Variants in EXOSC1 observed in about 807,000 individuals in gnomAD.
EXOSC1 encodes exosome component 1.
Under a neutral mutation model 31.4 loss-of-function variants are expected in EXOSC1, and 27 were observed. That is an observed-to-expected ratio of 0.86 (90% CI 0.63 to 1.18). The LOEUF (loss-of-function observed/expected upper bound fraction) is 1.18. Among genes scored for constraint, EXOSC1 ranks in the 50% most tolerant of loss-of-function variants. The probability of loss-of-function intolerance (pLI) is 0.00; values close to 1 mark genes in which losing one functional copy is unlikely to be tolerated. For missense variants in EXOSC1, 228 were observed against 250.3 expected (o/e 0.91, Z 0.60); for synonymous variants, 84 against 89.5 (o/e 0.94, Z 0.35).
intron 4 of EXOSC1, 57 bp downstream of exon 4, chr10:97,441,114 A>G: frequency 1.4e-6 from 2 of 1,385,446 alleles, no homozygotes; most frequent in South Asian, 2.4e-5. Context: ...CTGGTGTCCT[A>G]GTCTATCCTA....
chr10:97,436,828 A>G (rs1288679722), intron 7 of EXOSC1, among the ~76,000 whole-genome samples: 2 of 152,194 alleles, frequency 1.3e-5, no homozygotes, highest in African/African-American at 4.8e-5. Context: ...GTTTGAGACC[A>G]GCCTGGCCAA....
Position 97,437,740 on chromosome 10 carries a change from T to A in EXOSC1, c.356A>T (p.Tyr119Phe). 6.2e-7 allele frequency: 1 copy of A among 1,613,210 alleles called. No individual in the cohort carries two copies. Residue 119 changes from tyrosine to phenylalanine, a missense_variant, in exon 6 of 8, where the codon TAT (tyrosine) becomes TTT (phenylalanine). Coordinates refer to ENST00000370902, the MANE Select transcript of EXOSC1 (RefSeq NM_016046.5). ...AATGTCACCTGGGCGGAAACTCTTA[T>A]AAATTTCAACCTGTAAAGAAAGAAC... ...RATEKDKVEI[Y>F]KSFRPGDIVL... is the part of the protein sequence containing the mutation.
At position 97,436,421 on chromosome 10, in the gene EXOSC1, T is replaced by A; in HGVS notation, c.*24A>T. On this transcript the variant is annotated 3_prime_UTR_variant, in exon 8 of 8. Transcript: ENST00000370902. ...TTATACTCAGGAACAGCTTACCCCC[T>A]TCCATAGGGTAAAAAGTGGCTTCTT... 6.4e-7 allele frequency: 1 copy of A among 1,558,652 alleles called. No homozygotes were observed. The highest frequency in any genetic ancestry group is 8.8e-7 in the Non-Finnish European group (1 of 1,130,450).
intron 3 of EXOSC1, among the ~76,000 whole-genome samples, chr10:97,441,486 GTTTT>G (rs781273557): frequency 2.2e-5 from 3 of 133,512 alleles, no homozygotes; most frequent in Non-Finnish European, 4.8e-5. Context: ...GGTGGTATGG[GTTTT>G]TTTTTTTTTT....
At position 97,436,420 on chromosome 10, in the gene EXOSC1, C is replaced by T; in HGVS notation, c.*25G>A. ...GTTATACTCAGGAACAGCTTACCCCCTTCCATAGGGTAAAAAGTGGCTTCT... is the reference window on the plus strand; with the variant it reads ...GTTATACTCAGGAACAGCTTACCCCTTTCCATAGGGTAAAAAGTGGCTTCT... On this transcript the variant is annotated 3_prime_UTR_variant, in exon 8 of 8. Transcript: ENST00000370902. The T allele has an allele frequency of 6.5e-7, 1 of 1,549,668 alleles. No homozygotes were observed. Among genetic ancestry groups the T allele is most frequent in the Non-Finnish European group, 8.9e-7 (1 of 1,122,160 alleles).
At chr10:97,443,216 T>C (rs746750260) in intron 3 of EXOSC1, 21 bp downstream of exon 3, 1 of 1,606,140 alleles carries the variant, frequency 6.2e-7, no homozygotes, top group East Asian at 2.2e-5. Context: ...ATTCTAAGCA[T>C]GGAGGTCAGG....
chr10:97,438,750 ATTTTTTTT>A (rs11316935), intron 4 of EXOSC1, 47 bp from the exon 5 acceptor site: 3 of 996,472 alleles, frequency 3.0e-6, no homozygotes, highest in Non-Finnish European at 4.4e-6. Flanking sequence ...GTGAGAAAGA[ATTTTTTTT>A]TTTTTTTTTT....
chr10:97,442,093 C>T (rs1845737881), intron 3 of EXOSC1, among the ~76,000 whole-genome samples: 1 of 151,196 alleles, frequency 6.6e-6, no homozygotes, highest in Admixed American at 6.6e-5. Context: ...AGTAGAATTG[C>T]TTGAACCCAA....
chr10:97,445,674 GA>G, intron 2 of EXOSC1, 57 bp downstream of exon 2: 1 of 1,532,736 alleles, frequency 6.5e-7, no homozygotes, highest in South Asian at 1.2e-5. Flanking sequence ...CTAAGGACTG[GA>G]ACTCAAGGGC....
At chr10:97,443,379 A>C in intron 2 of EXOSC1, 68 bp from the exon 3 acceptor site, 1 of 1,329,594 alleles carries the variant, frequency 7.5e-7, no homozygotes, top group South Asian at 1.2e-5. Flanking sequence ...TTGTGGCTTG[A>C]GAGTAATATA....
chr10:97,436,188 A>G lies in EXOSC1; in HGVS notation c.*257T>C. On this transcript the variant is annotated 3_prime_UTR_variant, in exon 8 of 8. Coordinates refer to ENST00000370902, the MANE Select transcript of EXOSC1 (RefSeq NM_016046.5). ...ATCATAGCAAAAAATATGTATTTAT[A>G]AGGACTGTCAGGAGGGATAGGCTAT... 1 of 362,416 alleles carries G rather than the reference A, an allele frequency of 2.8e-6. No individual in the cohort carries two copies. Among genetic ancestry groups the G allele is most frequent in the Non-Finnish European group, 5.0e-6 (1 of 199,936 alleles). The allele number at this position is 362,416 out of a possible 1,614,324, so 22.5% of individuals were successfully genotyped here.
intron 3 of EXOSC1, among the ~76,000 whole-genome samples, chr10:97,442,177 C>A (rs1196075815): frequency 5.3e-4 from 75 of 140,386 alleles, no homozygotes; most frequent in Admixed American, 7.2e-4. Flanking sequence ...GGCCCTGTCT[C>A]AAAAAAAAAA....
At chr10:97,443,076 C>T (rs1311260683) in intron 3 of EXOSC1, among the ~76,000 whole-genome samples, 161 bp downstream of exon 3, 2 of 152,198 alleles carry the variant, frequency 1.3e-5, no homozygotes, top group Non-Finnish European at 1.5e-5. Context: ...CCTCCTGCCT[C>T]GGCCTCTTAA....
At chr10:97,445,135 G>C (rs1189962574) in intron 2 of EXOSC1, 1 of 152,052 alleles carries the variant, frequency 6.6e-6, no homozygotes, top group Non-Finnish European at 1.5e-5. Context: ...CTCAATTAGT[G>C]GGTCCAGAAG....
At chr10:97,437,816 C>A in intron 5 of EXOSC1, 66 bp from the exon 6 acceptor site, 2 of 1,351,060 alleles carry the variant, frequency 1.5e-6, no homozygotes, top group African/African-American at 1.4e-5. Context: ...ACTGTGAACG[C>A]TTCTGGTAAA....
At chr10:97,443,884 C>T (rs918290961) in intron 2 of EXOSC1, 2 of 152,122 alleles carry the variant, frequency 1.3e-5, no homozygotes, top group Admixed American at 1.3e-4. Flanking sequence ...CCTCCACCTC[C>T]TGGGTTCAAG....
chr10:97,437,132 G>T, intron 7 of EXOSC1, 59 bp downstream of exon 7: 13 of 1,446,240 alleles, frequency 9.0e-6, no homozygotes, highest in Non-Finnish European at 1.3e-5. Flanking sequence ...AAAAACAATG[G>T]ATTTATCCCA....
chr10:97,436,615 T>C (rs1845545862), intron 7 of EXOSC1, 64 bp from the exon 8 acceptor site: 5 of 1,474,952 alleles, frequency 3.4e-6, no homozygotes, highest in East Asian at 2.4e-5. Flanking sequence ...TCCTCTTTTA[T>C]GCTGGGTATG....
intron 3 of EXOSC1, among the ~76,000 whole-genome samples, chr10:97,441,685 T>G (rs1373300529): frequency 6.6e-6 from 1 of 151,362 alleles, no homozygotes; most frequent in African/African-American, 2.4e-5. Context: ...AGACAGGGTT[T>G]CTCCATGTTG....
Sources: gnomAD v4.1 joint callset for allele counts (sites outside exome capture counted in the v4.1 genomes callset) on GRCh38, gnomAD v4.1.1 for gene constraint, MANE v1.5 for transcripts, NCBI Gene and HGNC (gene_info 2026-07-23, HGNC 2026-07-21) for gene names.